JAK1: variants seen among roughly 807,000 people sequenced by gnomAD.
The protein encoded by JAK1 is tyrosine-protein kinase JAK1.
Under a neutral mutation model 136.6 loss-of-function variants are expected in JAK1, and 16 were observed. That is an observed-to-expected ratio of 0.12 (90% confidence interval 0.08 to 0.18). The LOEUF (loss-of-function observed/expected upper bound fraction) is 0.18. JAK1 is among the 10% of genes least tolerant of loss of function. The pLI is 1.00. For missense variants in JAK1, 859 were observed against 1,450.1 expected, an observed-to-expected ratio of 0.59 and a Z score of 6.62; for synonymous variants, 492 against 519.5, an observed-to-expected ratio of 0.95 and a Z score of 0.72.
At chr1:64,941,225 T>G (rs1645885003) in intron 1 of JAK1, among the ~76,000 whole-genome samples, 1 of 152,138 alleles carries the variant, frequency 6.6e-6, no homozygotes, top group African/African-American at 2.4e-5. Context: ...GAATAAATTC[T>G]CACCATCTAG....
At chr1:64,842,536 C>T (rs1415519250) in intron 17 of JAK1, among the ~76,000 whole-genome samples, 1 of 152,098 alleles carries the variant, frequency 6.6e-6, no homozygotes, top group Non-Finnish European at 1.5e-5. Context: ...TGCTCTTGTC[C>T]TTGAGTGTCA....
At chr1:64,877,547 C>T (rs1219718050) in intron 4 of JAK1, among the ~76,000 whole-genome samples, 1 of 152,070 alleles carries the variant, frequency 6.6e-6, no homozygotes, top group Non-Finnish European at 1.5e-5. Flanking sequence ...AATTGTAAAG[C>T]TAATCAGACA....
Position 64,833,382 on chromosome 1 carries a change from A to C in JAK1, c.*1180T>G, listed in dbSNP as rs1181668521. The C allele has an allele frequency of 1.3e-5, 3 of 232,802 alleles. No homozygotes were observed. In the Admixed American group the frequency reaches 1.7e-4, roughly 13 times the overall value. The allele number at this position is 232,802 out of a possible 1,614,324, so 14.4% of individuals were successfully genotyped here. A position where few individuals can be genotyped will look rare whatever the true frequency, so the allele number is the denominator to read the frequency against. On this transcript the variant is annotated 3_prime_UTR_variant, in exon 25 of 25. Transcript: ENST00000342505. ...CTGAACCAATCCTGAATTTGGGCTCAACAGGTGAAAAGTAACAATATCAAA... is the reference window on the plus strand; with the variant it reads ...CTGAACCAATCCTGAATTTGGGCTCCACAGGTGAAAAGTAACAATATCAAA...
chr1:64,915,105 T>C (rs893155229), intron 1 of JAK1, among the ~76,000 whole-genome samples: 2 of 152,146 alleles, frequency 1.3e-5, no homozygotes, highest in African/African-American at 4.8e-5. Context: ...CCTTATAGGA[T>C]TGTGAAGGTA....
chr1:65,008,905 T>G (rs1309579948), intron 2 of JAK1, among the ~76,000 whole-genome samples: 1 of 152,072 alleles, frequency 6.6e-6, no homozygotes. Flanking sequence ...CCCAGGCCGG[T>G]CTCAAACTCC....
chr1:65,012,401 C>T (rs2100772906), intron 2 of JAK1, among the ~76,000 whole-genome samples: 1 of 152,138 alleles, frequency 6.6e-6, no homozygotes, highest in African/African-American at 2.4e-5. Context: ...ACCTCAGTCA[C>T]CTGACTATGG....
intron 2 of JAK1, among the ~76,000 whole-genome samples, chr1:65,026,610 G>T (rs1199669935): frequency 2.0e-5 from 3 of 152,220 alleles, no homozygotes; most frequent in African/African-American, 7.2e-5. Flanking sequence ...AAGCTTAGGG[G>T]CAGCCATCTG....
At chr1:65,048,801 A>T (rs1230608710) in intron 1 of JAK1, among the ~76,000 whole-genome samples, 2 of 151,778 alleles carry the variant, frequency 1.3e-5, no homozygotes, top group Admixed American at 6.6e-5. Flanking sequence ...TCTGATTGAG[A>T]GTCTTGGGAA....
intron 9 of JAK1, among the ~76,000 whole-genome samples, chr1:64,859,450 G>A (rs2101068598): frequency 6.6e-6 from 1 of 152,312 alleles, no homozygotes; most frequent in Middle Eastern, 3.4e-3. Context: ...ATCACCAGAG[G>A]TACTTCAGCA....
intron 2 of JAK1, among the ~76,000 whole-genome samples, chr1:64,991,120 A>G (rs1290624902): frequency 6.6e-6 from 1 of 152,150 alleles, no homozygotes; most frequent in Non-Finnish European, 1.5e-5. Flanking sequence ...CAAAATGAGA[A>G]CACCAGTACA....
intron 4 of JAK1, among the ~76,000 whole-genome samples, chr1:64,878,603 A>C (rs190610411): frequency 1.8e-4 from 20 of 110,152 alleles, no homozygotes; most frequent in Non-Finnish European, 2.7e-4. Context: ...ATATATATAT[A>C]TATCTCAAAA....
chr1:64,856,440 G>A (rs1260231010), intron 10 of JAK1, among the ~76,000 whole-genome samples: 2 of 152,100 alleles, frequency 1.3e-5, no homozygotes, highest in African/African-American at 4.8e-5. Flanking sequence ...AGCACAAGTA[G>A]GTACAACGCT....
At chr1:65,042,102 TCAAAA>T (rs970996383) in intron 2 of JAK1, among the ~76,000 whole-genome samples, 3 of 151,634 alleles carry the variant, frequency 2.0e-5, no homozygotes, top group African/African-American at 7.3e-5. Context: ...AAAAAAACCC[TCAAAA>T]CAGAAAACAC....
At chr1:64,919,749 T>C (rs1475467880) in intron 1 of JAK1, among the ~76,000 whole-genome samples, 2 of 152,186 alleles carry the variant, frequency 1.3e-5, no homozygotes, top group African/African-American at 4.8e-5. Context: ...AATATATGTC[T>C]CCTTAGCTAG....
At chr1:64,941,762 G>C (rs908767281) in intron 1 of JAK1, among the ~76,000 whole-genome samples, 3 of 152,198 alleles carry the variant, frequency 2.0e-5, no homozygotes, top group Admixed American at 6.5e-5. Context: ...CCAGGTACTT[G>C]ACTCTCTAAG....
intron 1 of JAK1, among the ~76,000 whole-genome samples, chr1:64,962,382 T>G (rs866275344): frequency 9.2e-5 from 14 of 152,254 alleles, no homozygotes; most frequent in African/African-American, 3.4e-4. Context: ...CTTTTGCTTC[T>G]AAAGCAGGTC....
chr1:64,921,027 A>T (rs929974878), intron 1 of JAK1, among the ~76,000 whole-genome samples: 1 of 152,194 alleles, frequency 6.6e-6, no homozygotes, highest in Non-Finnish European at 1.5e-5. Context: ...GTGACTTTTA[A>T]CCTGAAAACT....
chr1:65,059,756 AAT>A (rs1459896120), intron 1 of JAK1, among the ~76,000 whole-genome samples: 3 of 152,204 alleles, frequency 2.0e-5, no homozygotes, highest in Non-Finnish European at 4.4e-5. Context: ...AAGTTATTTC[AAT>A]ATGAGTGGAA....
chr1:65,029,688 C>T (rs1410178281), intron 2 of JAK1, among the ~76,000 whole-genome samples: 1 of 152,118 alleles, frequency 6.6e-6, no homozygotes, highest in African/African-American at 2.4e-5. Context: ...GGCTATTATC[C>T]TTAACAAACT....
Sources: allele counts gnomAD v4.1 joint callset (sites outside exome capture counted in the v4.1 genomes callset), GRCh38; gene constraint gnomAD v4.1.1; transcripts MANE v1.5; gene names NCBI Gene and HGNC (gene_info 2026-07-23, HGNC 2026-07-21).